EHBP1: variants seen among roughly 807,000 people sequenced by gnomAD.
EHBP1 encodes the protein EH domain binding protein 1, also known as EH domain-binding protein 1.
A neutral mutation model predicts 144.0 loss-of-function variants in EHBP1; 55 were observed. The ratio of observed to expected loss-of-function variants is 0.38; its 90% CI spans 0.31 to 0.48. The LOEUF (loss-of-function observed/expected upper bound fraction) is 0.48, where lower values mean the gene tolerates loss of function less well. Ranked by LOEUF, EHBP1 falls within the 20% of genes least tolerant of loss-of-function variation. The pLI is 0.98. For missense variants in EHBP1, 1,200 were observed against 1,364.2 expected, an observed-to-expected ratio of 0.88 and a Z score of 1.90; for synonymous variants, 469 against 472.7, an observed-to-expected ratio of 0.99 and a Z score of 0.10.
chr2:62,730,772 A>AG (rs1558566498), intron 2 of EHBP1, among the ~76,000 whole-genome samples: 259 of 69,566 alleles, frequency 3.7e-3, no homozygotes, highest in African/African-American at 0.014. Context: ...AGAGACAGAC[A>AG]AAGAGACAGA....
At chr2:63,006,392 A>G (rs1287225383) in intron 19 of EHBP1, among the ~76,000 whole-genome samples, 1 of 151,992 alleles carries the variant, frequency 6.6e-6, no homozygotes, top group Non-Finnish European at 1.5e-5. Context: ...TGGCAGCTAC[A>G]CTGAGTTAAC....
intron 19 of EHBP1, among the ~76,000 whole-genome samples, chr2:63,026,456 T>A (rs980976510): frequency 3.9e-5 from 6 of 152,128 alleles, no homozygotes; most frequent in African/African-American, 1.4e-4. Flanking sequence ...CTTTACATAT[T>A]TGAATTCATT....
intron 10 of EHBP1, among the ~76,000 whole-genome samples, chr2:62,904,541 G>T (rs1053771296): frequency 2.0e-5 from 3 of 152,140 alleles, no homozygotes; most frequent in Admixed American, 6.5e-5. Flanking sequence ...CACCCCCCCG[G>T]CCCATGGGCT....
chr2:62,901,629 C>T (rs759980915), intron 10 of EHBP1, among the ~76,000 whole-genome samples: 19 of 151,238 alleles, frequency 1.3e-4, no homozygotes, highest in Non-Finnish European at 2.1e-4. Context: ...AGTTAATTCT[C>T]GCTTGTGAAT....
intron 3 of EHBP1, among the ~76,000 whole-genome samples, chr2:62,749,394 A>G (rs1440681898): frequency 6.6e-6 from 1 of 152,214 alleles, no homozygotes; most frequent in African/African-American, 2.4e-5. Flanking sequence ...ATTAATGGAC[A>G]TTTGGGTTGG....
At chr2:62,727,692 C>T (rs892543633) in intron 2 of EHBP1, among the ~76,000 whole-genome samples, 9 of 152,174 alleles carry the variant, frequency 5.9e-5, no homozygotes, top group Admixed American at 1.3e-4. Context: ...TTTACCCATT[C>T]ATCAGTTGAT....
intron 10 of EHBP1, among the ~76,000 whole-genome samples, chr2:62,913,280 GC>G (rs1379759833): frequency 6.6e-6 from 1 of 152,102 alleles, no homozygotes; most frequent in Non-Finnish European, 1.5e-5. Flanking sequence ...TAAGAGATTA[GC>G]CAAATGATCT....
At chr2:62,755,731 T>G (rs2040216595) in intron 3 of EHBP1, among the ~76,000 whole-genome samples, 1 of 152,210 alleles carries the variant, frequency 6.6e-6, no homozygotes, top group South Asian at 2.1e-4. Flanking sequence ...ATAACATTTG[T>G]TGGTCAATAT....
intron 10 of EHBP1, among the ~76,000 whole-genome samples, chr2:62,888,085 C>A (rs1280888165): frequency 1.3e-5 from 2 of 152,110 alleles, no homozygotes; most frequent in Non-Finnish European, 2.9e-5. Context: ...ATTTATAAGA[C>A]ACAAAATTTA....
At chr2:62,813,285 G>A (rs1158217407) in intron 5 of EHBP1, among the ~76,000 whole-genome samples, 1 of 152,206 alleles carries the variant, frequency 6.6e-6, no homozygotes, top group Non-Finnish European at 1.5e-5. Flanking sequence ...GCATCCATGT[G>A]ATGTTAAGTC....
chr2:62,947,106 A>G (rs539951469), intron 12 of EHBP1, among the ~76,000 whole-genome samples: 4 of 152,208 alleles, frequency 2.6e-5, no homozygotes, highest in Non-Finnish European at 5.9e-5. Flanking sequence ...TTCCTAAAAC[A>G]TGTAAAATAA....
At chr2:62,674,450 G>A (rs1039565489) in intron 1 of EHBP1, among the ~76,000 whole-genome samples, 1 of 152,178 alleles carries the variant, frequency 6.6e-6, no homozygotes, top group Non-Finnish European at 1.5e-5. Context: ...TATCGAGTTG[G>A]TTGTGCTTTT....
At chr2:62,794,434 T>G (rs1043765213) in intron 5 of EHBP1, among the ~76,000 whole-genome samples, 1 of 152,090 alleles carries the variant, frequency 6.6e-6, no homozygotes, top group African/African-American at 2.4e-5. Context: ...CTAACTCTTC[T>G]TATGTATTCA....
intron 19 of EHBP1, among the ~76,000 whole-genome samples, chr2:63,008,242 G>C (rs1302003166): frequency 6.6e-6 from 1 of 151,662 alleles, no homozygotes; most frequent in Non-Finnish European, 1.5e-5. Context: ...AGGAGCAAAA[G>C]TACATGCTGG....
intron 3 of EHBP1, among the ~76,000 whole-genome samples, chr2:62,754,188 T>C (rs1002806347): frequency 2.0e-5 from 3 of 152,224 alleles, no homozygotes; most frequent in African/African-American, 7.2e-5. Context: ...ATGTCCTTTC[T>C]GTTTGTTAGT....
chr2:62,752,188 G>A (rs2039801393), intron 3 of EHBP1, among the ~76,000 whole-genome samples: 1 of 152,090 alleles, frequency 6.6e-6, no homozygotes, highest in Non-Finnish European at 1.5e-5. Context: ...TTATGTGTTT[G>A]TTCTCATTGG....
chr2:62,841,860 G>C (rs2047908794), intron 7 of EHBP1, among the ~76,000 whole-genome samples: 2 of 151,808 alleles, frequency 1.3e-5, no homozygotes, highest in South Asian at 4.1e-4. Flanking sequence ...CTTCTACCTT[G>C]TCTTAGTTTG....
intron 19 of EHBP1, among the ~76,000 whole-genome samples, chr2:63,003,292 C>A (rs190983060): frequency 6.6e-6 from 1 of 152,008 alleles, no homozygotes; most frequent in African/African-American, 2.4e-5. Context: ...TATAGACAAG[C>A]GCATATGAGA....
chr2:62,950,551 T>C (rs2153095973), intron 13 of EHBP1, among the ~76,000 whole-genome samples: 1 of 152,338 alleles, frequency 6.6e-6, no homozygotes, highest in East Asian at 1.9e-4. Flanking sequence ...ATTTTAAAAA[T>C]ATATCAGTTT....
Sources: gnomAD v4.1 joint callset for allele counts (sites outside exome capture counted in the v4.1 genomes callset) on GRCh38, gnomAD v4.1.1 for gene constraint, MANE v1.5 for transcripts, NCBI Gene and HGNC (gene_info 2026-07-23, HGNC 2026-07-21) for gene names.